The following ITSN1 variants were observed in gnomAD, a reference collection of about 807,000 sequenced individuals.
The protein encoded by ITSN1 is intersectin 1.
In ITSN1, 58 loss-of-function variants were observed where a neutral mutation model predicts 239.8. The ratio of observed to expected loss-of-function variants is 0.24; its 90% CI spans 0.20 to 0.30. The LOEUF is 0.30. ITSN1 is among the 10% of genes least tolerant of loss of function. ITSN1 has a pLI of 1.00. For synonymous variants in ITSN1, 780 were observed against 770.8 expected (o/e 1.01, Z -0.20); for missense variants, 1,558 against 2,103.3 (o/e 0.74, Z 5.07).
chr21:33,775,888 A>G (rs2069561386), intron 14 of ITSN1, among the ~76,000 whole-genome samples: 1 of 152,226 alleles, frequency 6.6e-6, no homozygotes, highest in Non-Finnish European at 1.5e-5. Flanking sequence ...CAAAGTTGTT[A>G]TAATATCACC....
rs186227655 is a variant in ITSN1, at chr21:33,754,285, T to A, written c.624-1012T>A. The A allele has an allele frequency of 1.8e-3, 276 of 152,322 alleles. 1 individual carries two copies. Among genetic ancestry groups the A allele is most frequent in the African/African-American group, 6.5e-3 (270 of 41,570 alleles). The allele number at this position is 152,322 out of a possible 1,614,324, so 9.4% of individuals were successfully genotyped here. ...AAAGGTGAATTCATATAAGTACTTC[T>A]CGAGTGTTTGGGAGGTATTTCCTAT... On this transcript the variant is annotated intron_variant, in intron 7 of 39. Coordinates refer to ENST00000381318, the MANE Select transcript of ITSN1 (RefSeq NM_003024.3).
chr21:33,840,383 T>G (rs1165224457), intron 29 of ITSN1, among the ~76,000 whole-genome samples: 3 of 151,286 alleles, frequency 2.0e-5, no homozygotes, highest in Non-Finnish European at 2.9e-5. Flanking sequence ...TTTTTTTTTT[T>G]GAGACAGTCT....
chr21:33,843,740 G>C (rs561902939), intron 29 of ITSN1, among the ~76,000 whole-genome samples: 1 of 152,334 alleles, frequency 6.6e-6, no homozygotes, highest in East Asian at 1.9e-4. Context: ...ATCCAGGATG[G>C]TGGCTCAGAG....
chr21:33,887,057 C>T (rs1357551924), intron 39 of ITSN1, among the ~76,000 whole-genome samples: 2 of 152,044 alleles, frequency 1.3e-5, no homozygotes, highest in African/African-American at 4.8e-5. Flanking sequence ...GTGCTGCAGG[C>T]CTGGAATCCC....
chr21:33,853,572 C>T (rs1301881913), intron 29 of ITSN1, among the ~76,000 whole-genome samples: 1 of 152,204 alleles, frequency 6.6e-6, no homozygotes, highest in Non-Finnish European at 1.5e-5. Flanking sequence ...CCCCATAGGT[C>T]CTTCTTTCCG....
At chr21:33,658,180 T>C (rs1457948663) in intron 1 of ITSN1, among the ~76,000 whole-genome samples, 1 of 152,102 alleles carries the variant, frequency 6.6e-6, no homozygotes. Context: ...ATAAAATATA[T>C]TTACTATTCA....
intron 34 of ITSN1, among the ~76,000 whole-genome samples, chr21:33,881,700 G>A (rs1206668942): frequency 6.6e-6 from 1 of 152,076 alleles, no homozygotes; most frequent in Non-Finnish European, 1.5e-5. Context: ...AAGAGAAATG[G>A]CCAAGCCCAG....
chr21:33,849,435 G>T (rs193049491), intron 29 of ITSN1, among the ~76,000 whole-genome samples: 8 of 151,520 alleles, frequency 5.3e-5, no homozygotes, highest in Admixed American at 1.3e-4. Flanking sequence ...GCGTGGTGGC[G>T]CATGCCTGTA....
chr21:33,681,524 G>C (rs1359695815), intron 1 of ITSN1, among the ~76,000 whole-genome samples: 1 of 151,768 alleles, frequency 6.6e-6, no homozygotes, highest in South Asian at 2.1e-4. Flanking sequence ...ACTCCAGCCT[G>C]GGCGACAGAG....
intron 1 of ITSN1, among the ~76,000 whole-genome samples, chr21:33,666,291 A>G (rs1285816812): frequency 1.3e-5 from 2 of 152,186 alleles, no homozygotes; most frequent in Non-Finnish European, 2.9e-5. Flanking sequence ...CAGAAAGCAG[A>G]TGAGTAGCTG....
intron 1 of ITSN1, among the ~76,000 whole-genome samples, chr21:33,687,046 C>G (rs2146596416): frequency 6.6e-6 from 1 of 152,138 alleles, no homozygotes; most frequent in Admixed American, 6.5e-5. Flanking sequence ...ATTTTCAAGC[C>G]TCAGCTGGGT....
intron 1 of ITSN1, among the ~76,000 whole-genome samples, chr21:33,652,385 C>T (rs1278444622): frequency 6.6e-6 from 1 of 152,146 alleles, no homozygotes; most frequent in Admixed American, 6.5e-5. Context: ...TGGATTCAGT[C>T]TTCGTTGCCT....
At chr21:33,701,179 C>T (rs1272735767) in intron 1 of ITSN1, among the ~76,000 whole-genome samples, 1 of 152,124 alleles carries the variant, frequency 6.6e-6, no homozygotes, top group Admixed American at 6.5e-5. Context: ...ATGGATTAGG[C>T]TTGCTTAGGC....
At chr21:33,781,962 T>G (rs1022946856) in intron 15 of ITSN1, 32 bp from the exon 16 acceptor site, 8 of 1,562,424 alleles carry the variant, frequency 5.1e-6, no homozygotes, top group Non-Finnish European at 6.9e-6. Context: ...AATTAAAGTT[T>G]TTCTTATCTT....
In ITSN1 at chr21:33,763,892, C is replaced by G. The variant is rs113736084; in HGVS notation, c.788+1906C>G. 7.5e-3 allele frequency among the ~76,000 whole-genome samples: 1,144 copies of G among 152,310 alleles called. 15 individuals are homozygous for G. The highest frequency in any genetic ancestry group is 0.026 in the African/African-American group (1,089 of 41,564). ...CACTGCAAAGTTCGTGATTTTCTTG[C>G]AGGCCACATTGATAGGGTTGTTTCA... On this transcript the variant is annotated intron_variant, in intron 9 of 39. Coordinates refer to ENST00000381318, the MANE Select transcript of ITSN1 (RefSeq NM_003024.3).
rs996944169 is a variant in ITSN1 at position 33,766,136 on chromosome 21, C to G, written c.926+124C>G. On this transcript the variant is annotated intron_variant, in intron 10 of 39. Transcript: ENST00000381318. ...CAAGGAAACTAAGTATCCGTGAATT[C>G]TAGAGACTCTCATCTAGGTCTATGT... 4 of 985,472 alleles carry G rather than the reference C, an allele frequency of 4.1e-6. No individual in the cohort carries two copies. The South Asian group carries it at 4.7e-5, about 12-fold the overall frequency. 61.0% of individuals were successfully genotyped at this position (985,472 alleles called of 1,614,324 possible). A position where few individuals can be genotyped will look rare whatever the true frequency, so the allele number is the denominator to read the frequency against.
chr21:33,850,831 G>GT (rs1978291923), intron 29 of ITSN1, among the ~76,000 whole-genome samples: 1 of 152,198 alleles, frequency 6.6e-6, no homozygotes. Flanking sequence ...AGGGAGTGCA[G>GT]TTAGATTAAT....
intron 20 of ITSN1, among the ~76,000 whole-genome samples, chr21:33,807,152 A>C (rs1428284984): frequency 6.6e-6 from 1 of 152,220 alleles, no homozygotes; most frequent in Non-Finnish European, 1.5e-5. Flanking sequence ...TTTGCTTAAA[A>C]GTGAAATGCT....
intron 10 of ITSN1, 98 bp from the exon 11 acceptor site, chr21:33,767,615 G>C (rs1006949139): frequency 1.8e-6 from 1 of 554,212 alleles, no homozygotes; most frequent in Non-Finnish European, 3.2e-6. Context: ...TTTGCTCCAT[G>C]GCATGGTAAA....
Sources: gnomAD v4.1 joint callset for allele counts (sites outside exome capture counted in the v4.1 genomes callset) on GRCh38, gnomAD v4.1.1 for gene constraint, MANE v1.5 for transcripts, NCBI Gene and HGNC (gene_info 2026-07-23, HGNC 2026-07-21) for gene names.